TCERG1: variants seen among roughly 807,000 people sequenced by gnomAD.
TCERG1 encodes the protein TATA box binding protein (TBP)-associated factor, RNA polymerase II, S, 150kD.
A neutral mutation model predicts 144.7 loss-of-function variants in TCERG1; 37 were observed. That is an observed-to-expected ratio of 0.26 (90% confidence interval 0.20 to 0.34). The LOEUF (loss-of-function observed/expected upper bound fraction) is 0.34. Among genes scored for constraint, TCERG1 ranks in the 10% least tolerant of loss-of-function variants. TCERG1 has a pLI of 1.00. For missense variants in TCERG1, 1,027 were observed against 1,380.7 expected (o/e 0.74, Z 4.06); for synonymous variants, 492 against 458.2 (o/e 1.07, Z -0.94).
intron 4 of TCERG1, among the ~76,000 whole-genome samples, chr5:146,460,399 A>T (rs1452534337): frequency 6.8e-6 from 1 of 147,802 alleles, no homozygotes; most frequent in Non-Finnish European, 1.5e-5. Context: ...GCAGGTTGAG[A>T]CTAAGCCCGA....
At chr5:146,476,739 G>T (rs10059722) in intron 9 of TCERG1, among the ~76,000 whole-genome samples, 1 of 151,920 alleles carries the variant, frequency 6.6e-6, no homozygotes, top group East Asian at 1.9e-4. Flanking sequence ...TTGGGGGTCC[G>T]TCCCCACCTC....
intron 15 of TCERG1, among the ~76,000 whole-genome samples, chr5:146,489,010 G>T (rs185234964): frequency 1.3e-5 from 2 of 152,298 alleles, no homozygotes; most frequent in East Asian, 3.9e-4. Context: ...TGTCATAGAA[G>T]TCAAAAGTAG....
chr5:146,509,492 CT>C (rs35545475), intron 22 of TCERG1, among the ~76,000 whole-genome samples: 35,223 of 141,258 alleles, frequency 0.25, 5,059 homozygotes, highest in East Asian at 0.83. Flanking sequence ...GAATACATAC[CT>C]TTTTTTTTTT....
At chr5:146,472,136 CT>C (rs1764376955) in intron 9 of TCERG1, among the ~76,000 whole-genome samples, 1 of 152,144 alleles carries the variant, frequency 6.6e-6, no homozygotes, top group Admixed American at 6.5e-5. Flanking sequence ...CCTGAATCTA[CT>C]TTTTGTTTAA....
intron 13 of TCERG1, 83 bp from the exon 14 acceptor site, chr5:146,482,509 A>C (rs1212698318): frequency 1.4e-6 from 2 of 1,413,332 alleles, no homozygotes; most frequent in Non-Finnish European, 1.9e-6. Context: ...TGAGTCTTGA[A>C]AATTCCTTTG....
intron 15 of TCERG1, among the ~76,000 whole-genome samples, chr5:146,484,417 A>G (rs1285708767): frequency 6.6e-6 from 1 of 152,168 alleles, no homozygotes; most frequent in Non-Finnish European, 1.5e-5. Flanking sequence ...ACCACTTGCT[A>G]TAGTGCTGTT....
rs1259095310 is a variant in TCERG1 at position 146,459,029 on chromosome 5, C to T, written c.584C>T (p.Ala195Val). 12 of 1,612,566 alleles carry T rather than the reference C, an allele frequency of 7.4e-6. No homozygotes were observed. Among genetic ancestry groups the T allele is most frequent in the Admixed American group, 3.3e-5 (2 of 59,956 alleles). The change falls in exon 4 of 23, where the codon GCG becomes GTG. Residue 195 changes from alanine (A) to valine (V), a missense_variant. This residue lies in a region of TCERG1 where 48 missense variants were observed against 80.9 expected (regional missense o/e 0.59). Transcript: ENST00000679501. ...AQAQAQAQAQ[A>V]QAQAQAQAQA... is the part of the protein sequence containing the mutation. ...GCCCAGGCGCAGGCTCAGGCCCAGG[C>T]GCAGGCTCAGGCCCAGGCACAAGCT...
intron 16 of TCERG1, among the ~76,000 whole-genome samples, chr5:146,495,699 C>G (rs1766830603): frequency 6.6e-6 from 1 of 152,304 alleles, no homozygotes; most frequent in African/African-American, 2.4e-5. Flanking sequence ...TTGAGATTAA[C>G]TGGCCAGTTT....
intron 6 of TCERG1, 127 bp downstream of exon 6, chr5:146,468,530 G>A (rs1763992015): frequency 1.2e-6 from 1 of 817,810 alleles, no homozygotes; most frequent in South Asian, 2.1e-5. Flanking sequence ...TTTTTAATGA[G>A]CAGTATAAAT....
In TCERG1 at chr5:146,469,573, G is replaced by C. The variant is rs746010475; in HGVS notation, c.1228G>C (p.Val410Leu). The change falls in exon 7 of 23, where the codon GTA becomes CTA. Residue 410 changes from valine to leucine, a missense_variant. Physicochemically the swap from Val to Leu is conservative, Grantham distance 32. Coordinates refer to ENST00000679501, the MANE Select transcript of TCERG1 (RefSeq NM_001382548.1). ...ATTGCCAGGAATGGCCCCTCCTATC[G>C]TACCCATGATACATCCCCAGGTTGC... Reference protein sequence around the residue: ...GVLPGMAPPIVPMIHPQVAIA... With the variant: ...GVLPGMAPPILPMIHPQVAIA... The C allele has an allele frequency of 6.2e-7, 1 of 1,608,924 alleles. No individual in the cohort carries two copies. Among genetic ancestry groups the C allele is most frequent in the Admixed American group, 1.7e-5 (1 of 59,188 alleles).
chr5:146,490,435 T>C (rs1301043275), intron 15 of TCERG1, among the ~76,000 whole-genome samples: 1 of 152,238 alleles, frequency 6.6e-6, no homozygotes, highest in Non-Finnish European at 1.5e-5. Context: ...ATTTGAGGCC[T>C]AACATACTTG....
At chr5:146,473,525 C>A (rs1764543399) in intron 9 of TCERG1, among the ~76,000 whole-genome samples, 1 of 152,212 alleles carries the variant, frequency 6.6e-6, no homozygotes, top group Non-Finnish European at 1.5e-5. Context: ...AAACAGCCTT[C>A]TATTGGGAGA....
In TCERG1 at chr5:146,510,853, G is replaced by T; in HGVS notation, c.*211G>T. 2.5e-6 allele frequency: 1 copy of T among 405,470 alleles called. No individual in the cohort carries two copies. Among genetic ancestry groups the T allele is most frequent in the Non-Finnish European group, 4.3e-6 (1 of 230,214 alleles). 25.1% of individuals were successfully genotyped at this position (405,470 alleles called of 1,614,324 possible). A position where few individuals can be genotyped will look rare whatever the true frequency, so the allele number is the denominator to read the frequency against. On this transcript the variant is annotated 3_prime_UTR_variant, in exon 23 of 23. Coordinates refer to ENST00000679501, the MANE Select transcript of TCERG1 (RefSeq NM_001382548.1). ...GACTGACATACATACTCAAATATAG[G>T]CTGTCTCTAGTAAATCTTAAAATCT...
intron 1 of TCERG1, among the ~76,000 whole-genome samples, chr5:146,449,785 A>G (rs1312689977): frequency 6.6e-6 from 1 of 152,246 alleles, no homozygotes; most frequent in African/African-American, 2.4e-5. Flanking sequence ...TAGACGTTCC[A>G]AATACCATTA....
chr5:146,510,393 C>G (rs1430726792), intron 22 of TCERG1, 48 bp from the exon 23 acceptor site: 1 of 1,354,182 alleles, frequency 7.4e-7, no homozygotes, highest in Non-Finnish European at 1.1e-6. Context: ...TTCTGAAAGA[C>G]CTGTGAACAG....
intron 19 of TCERG1, among the ~76,000 whole-genome samples, chr5:146,504,930 C>T (rs965830381): frequency 3.3e-5 from 5 of 152,064 alleles, no homozygotes; most frequent in Non-Finnish European, 7.4e-5. Context: ...CCTGTAGTCC[C>T]AGCTACTTGG....
intron 16 of TCERG1, among the ~76,000 whole-genome samples, chr5:146,493,307 G>A (rs1234317916): frequency 6.6e-6 from 1 of 151,964 alleles, no homozygotes; most frequent in Non-Finnish European, 1.5e-5. Flanking sequence ...GAAAATCTGT[G>A]CCTCATCTTT....
intron 16 of TCERG1, among the ~76,000 whole-genome samples, chr5:146,496,481 A>G (rs1461231001): frequency 3.3e-5 from 5 of 152,144 alleles, no homozygotes; most frequent in Non-Finnish European, 5.9e-5. Context: ...CTAACTTCAT[A>G]TAATTGACTC....
At chr5:146,494,063 T>C (rs1056434005) in intron 16 of TCERG1, among the ~76,000 whole-genome samples, 1 of 152,138 alleles carries the variant, frequency 6.6e-6, no homozygotes, top group African/African-American at 2.4e-5. Flanking sequence ...ATTTGTGATA[T>C]GAAGAATTTA....
Sources: allele counts gnomAD v4.1 joint callset (sites outside exome capture counted in the v4.1 genomes callset), GRCh38; gene constraint gnomAD v4.1.1; regional missense constraint gnomAD v4.1.1; transcripts MANE v1.5; gene names NCBI Gene and HGNC (gene_info 2026-07-23, HGNC 2026-07-21).